Variants in ZBTB8B observed in about 807,000 individuals in gnomAD.
ZBTB8B encodes zinc finger and BTB domain containing 8B.
In ZBTB8B, 17 loss-of-function variants were observed where a neutral mutation model predicts 30.3. The observed-to-expected ratio is 0.56, with a 90% CI of 0.38 to 0.84. The LOEUF (loss-of-function observed/expected upper bound fraction) is 0.84. Ranked by LOEUF, ZBTB8B falls within the 40% of genes least tolerant of loss-of-function variation. ZBTB8B has a pLI of 0.00. For missense variants in ZBTB8B, 515 were observed against 644.9 expected, an observed-to-expected ratio of 0.80 and a Z score of 2.18; for synonymous variants, 248 against 255.6, an observed-to-expected ratio of 0.97 and a Z score of 0.28.
At position 32,485,390 on chromosome 1, in the gene ZBTB8B, A is replaced by G; in HGVS notation, c.1460A>G (p.Asn487Ser). 6.4e-7 allele frequency: 1 copy of G among 1,551,884 alleles called. No homozygotes were observed. Among genetic ancestry groups the G allele is most frequent in the South Asian group, 1.2e-5 (1 of 84,054 alleles). ...DSDDKPQIQPNLSDRETLT is the reference protein window; with the variant it reads ...DSDDKPQIQPSLSDRETLT ...GATGACAAACCACAAATTCAGCCTA[A>G]CTTATCAGACCGAGAGACACTTACG... is the stretch of plus-strand genomic sequence containing the variant. Residue 487 changes from asparagine (N) to serine (S), a missense_variant, in exon 4 of 4, where the codon AAC becomes AGC. Coordinates refer to ENST00000609129, the MANE Select transcript of ZBTB8B (RefSeq NM_001145720.2).
chr1:32,471,603 G>A lies in ZBTB8B; in HGVS notation c.979G>A (p.Gly327Arg), dbSNP rs1643622038. ...GATGGATGTCCAGGCTGACTGGTAT[G>A]GAGAGGACTCAGGTGAGCTCCCTTA... ...SMMDVQADWY[G>R]EDSGDVLVVP... Residue 327 changes from glycine (G) to arginine (R), a missense_variant, in exon 2 of 4, where the codon GGA (glycine) becomes AGA (arginine). Coordinates refer to ENST00000609129, the MANE Select transcript of ZBTB8B (RefSeq NM_001145720.2). The A allele has an allele frequency of 1.3e-6, 2 of 1,550,450 alleles. No homozygotes were observed. The highest frequency in any genetic ancestry group is 1.2e-5 in the South Asian group (1 of 84,056).
At chr1:32,466,831 A>G (rs910348705) in intron 1 of ZBTB8B, among the ~76,000 whole-genome samples, 5 of 152,052 alleles carry the variant, frequency 3.3e-5, no homozygotes, top group African/African-American at 9.7e-5. Flanking sequence ...GCGTACTTAC[A>G]TATTTATCTA....
Position 32,487,897 on chromosome 1 carries a change from A to C in ZBTB8B, c.*2479A>C, listed in dbSNP as rs988013589. 7 of 152,118 alleles carry C rather than the reference A, an allele frequency of 4.6e-5. No individual in the cohort carries two copies. Among genetic ancestry groups the C allele is most frequent in the Admixed American group, 1.3e-4 (2 of 15,268 alleles). 9.4% of individuals were successfully genotyped at this position (152,118 alleles called of 1,614,324 possible). A position where few individuals can be genotyped will look rare whatever the true frequency, so the allele number is the denominator to read the frequency against. ...AAATATTCTAGATCAAGAGTTACTC[A>C]TTGAAAATTATCAGGGACCAGAGAT... On this transcript the variant is annotated 3_prime_UTR_variant, in exon 4 of 4. Transcript: ENST00000609129.
rs1326035069 is a variant in ZBTB8B, at chr1:32,481,109, A to G, written c.1170+40A>G. 2.0e-6 allele frequency: 3 copies of G among 1,497,108 alleles called. No individual in the cohort carries two copies. In the South Asian group the frequency reaches 4.0e-5, roughly 20 times the overall value. The allele number at this position is 1,497,108 out of a possible 1,614,324, so 92.7% of individuals were successfully genotyped here. On this transcript the variant is annotated intron_variant, in intron 3 of 3. Transcript: ENST00000609129. ...TGGCCATGCCCTTGTGGCAAGAGCT[A>G]TTCATGATATCATCTAATGGAAGGG...
rs979579642 is a variant in ZBTB8B at position 32,465,501 on chromosome 1, G to T, written c.-42+396G>T. 6.6e-6 allele frequency among the ~76,000 whole-genome samples: 1 copy of T among 152,250 alleles called. No individual in the cohort carries two copies. The highest frequency in any genetic ancestry group is 2.4e-5 in the African/African-American group (1 of 41,472). ...GGCTAGGCCTTGGGGTCCCACCCTC[G>T]GGGGCCGTGCCCTGTAGCTGGTTCT... On this transcript the variant is annotated intron_variant, in intron 1 of 3. Coordinates refer to ENST00000609129, the MANE Select transcript of ZBTB8B (RefSeq NM_001145720.2). This position sits in a 1 kb window ranked among gnomAD's most constrained non-coding sequence, Gnocchi z 4.1.
chr1:32,480,785 T>A, intron 2 of ZBTB8B, 106 bp from the exon 3 acceptor site: 1 of 1,111,832 alleles, frequency 9.0e-7, no homozygotes, highest in Non-Finnish European at 1.3e-6. Flanking sequence ...CCTCCTCTTC[T>A]ATCTGGGCTG....
At chr1:32,467,356 A>G (rs370819205) in intron 1 of ZBTB8B, among the ~76,000 whole-genome samples, 38 of 150,034 alleles carry the variant, frequency 2.5e-4, no homozygotes, top group Middle Eastern at 3.5e-3. Flanking sequence ...GGTTCAAGTG[A>G]TTCTCCTGCC....
intron 3 of ZBTB8B, among the ~76,000 whole-genome samples, chr1:32,481,793 G>A (rs965417556): frequency 9.9e-5 from 15 of 152,016 alleles, no homozygotes; most frequent in African/African-American, 2.7e-4. Flanking sequence ...AGTGTCTGCC[G>A]TTTCCTTCTT....
At chr1:32,473,247 A>G (rs1227741956) in intron 2 of ZBTB8B, among the ~76,000 whole-genome samples, 2 of 152,040 alleles carry the variant, frequency 1.3e-5, no homozygotes, top group East Asian at 1.9e-4. Flanking sequence ...CGGAGCTTGC[A>G]GTGAGCCGAG....
chr1:32,476,744 G>T (rs1036498582), intron 2 of ZBTB8B, among the ~76,000 whole-genome samples: 1 of 148,630 alleles, frequency 6.7e-6, no homozygotes, highest in Non-Finnish European at 1.5e-5. Flanking sequence ...AGCCGAGGTC[G>T]CACCACTGCA....
Position 32,465,710 on chromosome 1 carries a change from G to A in ZBTB8B, c.-42+605G>A, listed in dbSNP as rs960944667. ...AACCTGTCGCATCGTGTCCTGGAGG[G>A]TTTGAGGAGGCCGGTTAGCATAGTG... On this transcript the variant is annotated intron_variant, in intron 1 of 3. Coordinates refer to ENST00000609129, the MANE Select transcript of ZBTB8B (RefSeq NM_001145720.2). This position sits in a 1 kb window ranked among gnomAD's most constrained non-coding sequence, Gnocchi z 4.1. Among the ~76,000 whole-genome samples the A allele has an allele frequency of 5.3e-5, 8 of 152,232 alleles. No individual in the cohort carries two copies. The highest frequency in any genetic ancestry group is 1.0e-4 in the Non-Finnish European group (7 of 68,034).
Position 32,492,715 on chromosome 1 carries a change from CAATT to C in ZBTB8B, c.*7299_*7302del, listed in dbSNP as rs1164001159. ...GGTTACTCATTCAGTAGTTATCAAACAATTATTTATGGAGTCTTTACTGTATGTC... is the reference window on the plus strand; with the variant it reads ...GGTTACTCATTCAGTAGTTATCAAACATTTATGGAGTCTTTACTGTATGTC... On this transcript the variant is annotated 3_prime_UTR_variant, in exon 4 of 4. Transcript: ENST00000609129. 1 of 152,186 alleles carries C rather than the reference CAATT, an allele frequency of 6.6e-6. No homozygotes were observed. 9.4% of individuals were successfully genotyped at this position (152,186 alleles called of 1,614,324 possible). A position where few individuals can be genotyped will look rare whatever the true frequency, so the allele number is the denominator to read the frequency against.
intron 2 of ZBTB8B, among the ~76,000 whole-genome samples, chr1:32,478,131 G>T (rs1457301660): frequency 6.6e-6 from 1 of 151,994 alleles, no homozygotes; most frequent in Non-Finnish European, 1.5e-5. Context: ...GAGGTGGGAG[G>T]ATCACCTGAG....
chr1:32,471,076 C>T lies in ZBTB8B; in HGVS notation c.452C>T (p.Ala151Val), dbSNP rs1308141741. The T allele has an allele frequency of 5.2e-6, 8 of 1,549,516 alleles. No individual in the cohort carries two copies. The highest frequency in any genetic ancestry group is 4.8e-5 in the South Asian group (4 of 84,002). ...AAAAAAAAAA[A>V]AAHQVDSESP... The stretch of plus-strand genomic sequence containing the variant: ...GCGGCGGCTGCAGCGGCGGCAGCAG[C>T]GGCGGCTCATCAGGTTGACAGTGAA... Residue 151 changes from alanine (A) to valine (V), a missense_variant, in exon 2 of 4, where the codon GCG becomes GTG. By Grantham distance (64) the Ala-to-Val change is moderately conservative. This residue lies in a region of ZBTB8B where 429 missense variants were observed against 504.3 expected (regional missense o/e 0.85). Transcript: ENST00000609129.
At position 32,488,568 on chromosome 1, in the gene ZBTB8B, G is replaced by A. The variant is rs1643760653; in HGVS notation, c.*3150G>A. On this transcript the variant is annotated 3_prime_UTR_variant, in exon 4 of 4. Transcript: ENST00000609129. ...CCTTGCAGGTGGCTACTGGCATCTA[G>A]TGGGTAGAGGCCAGGGAAGCTGCCA... is the stretch of plus-strand genomic sequence containing the variant. 1 of 152,192 alleles carries A rather than the reference G, an allele frequency of 6.6e-6. No individual in the cohort carries two copies. The highest frequency in any genetic ancestry group is 1.5e-5 in the Non-Finnish European group (1 of 68,038). 9.4% of individuals were successfully genotyped at this position (152,192 alleles called of 1,614,324 possible).
Position 32,471,297 on chromosome 1 carries a change from A to G in ZBTB8B, c.673A>G (p.Lys225Glu), listed in dbSNP as rs1176475655. The G allele has an allele frequency of 6.4e-7, 1 of 1,551,676 alleles. No homozygotes were observed. The highest frequency in any genetic ancestry group is 1.4e-5 in the African/African-American group (1 of 73,068). Residue 225 changes from lysine to glutamate, a missense_variant, in exon 2 of 4, where the codon AAA becomes GAA. Coordinates refer to ENST00000609129, the MANE Select transcript of ZBTB8B (RefSeq NM_001145720.2). ...TGACAGCAACCTCTCTACTCCACCC[A>G]AACGGATAGAGCCCAAGGTGGAATT... ...SADSNLSTPPKRIEPKVEFDA... is the reference protein window; with the variant it reads ...SADSNLSTPPERIEPKVEFDA...
chr1:32,468,796 G>C (rs939441292), intron 1 of ZBTB8B, among the ~76,000 whole-genome samples: 27 of 151,844 alleles, frequency 1.8e-4, no homozygotes, highest in African/African-American at 6.3e-4. Flanking sequence ...GGAAGGCGGA[G>C]GTTGCAGTGA....
In ZBTB8B at chr1:32,484,469, G is replaced by T. The variant is rs1376546230; in HGVS notation, c.1171-632G>T. Among the ~76,000 whole-genome samples the T allele has an allele frequency of 6.6e-6, 1 of 152,184 alleles. No individual in the cohort carries two copies. The highest frequency in any genetic ancestry group is 1.5e-5 in the Non-Finnish European group (1 of 68,024). The stretch of plus-strand genomic sequence containing the variant: ...AGGTGTTCATAAGGGGTGAAGGGTT[G>T]ATGATGGGCAGAAGGGAATGTCCCA... On this transcript the variant is annotated intron_variant, in intron 3 of 3. Transcript: ENST00000609129. The surrounding 1 kb of genome is among the most constrained non-coding windows in gnomAD (Gnocchi z 4.5).
chr1:32,473,674 A>G (rs752705872), intron 2 of ZBTB8B, among the ~76,000 whole-genome samples: 3 of 151,752 alleles, frequency 2.0e-5, no homozygotes, highest in Non-Finnish European at 2.9e-5. Context: ...CACCACACCC[A>G]GCTAATTTTT....
Sources: allele counts gnomAD v4.1 joint callset (sites outside exome capture counted in the v4.1 genomes callset), GRCh38; gene constraint gnomAD v4.1.1; regional missense constraint gnomAD v4.1.1; non-coding constraint Gnocchi (gnomAD v3.1); transcripts MANE v1.5; gene names NCBI Gene and HGNC (gene_info 2026-07-23, HGNC 2026-07-21).